The following RBM4 variants were observed in gnomAD, a reference collection of about 807,000 sequenced individuals.
RBM4 encodes RNA-binding protein 4.
RBM4 carries 7 observed loss-of-function variants against 29.5 expected under a neutral mutation model. The ratio of observed to expected loss-of-function variants is 0.24; its 90% confidence interval spans 0.14 to 0.45. RBM4 has a LOEUF of 0.45. RBM4 is among the 20% of genes least tolerant of loss of function. The pLI is 1.00. For missense variants in RBM4, 387 were observed against 502.3 expected (o/e 0.77, Z 2.19); for synonymous variants, 220 against 205.4 (o/e 1.07, Z -0.61).
At chr11:66,658,615 G>T (rs1444026589) in intron 2 of RBM4, among the ~76,000 whole-genome samples, 3 of 152,020 alleles carry the variant, frequency 2.0e-5, no homozygotes, top group East Asian at 3.9e-4. Context: ...ATACAGTGCT[G>T]CGAGTACCAA....
At chr11:66,668,372 A>C (rs1939324250) in exon 3 of RBM4, 1 of 461,614 alleles carries the variant, frequency 2.2e-6, no homozygotes, top group African/African-American at 1.9e-5. Flanking sequence ...GAATGTTCTC[A>C]CTAACAAACT....
downstream of RBM4, among the ~76,000 whole-genome samples, chr11:66,650,105 AC>A (rs925702386): frequency 2.0e-5 from 3 of 152,194 alleles, no homozygotes; most frequent in African/African-American, 7.2e-5. Flanking sequence ...CCTTGGGTGT[AC>A]AAATAACTGG....
Position 66,646,111 on chromosome 11 carries a change from C to G in RBM4, c.*93C>G. 2.6e-6 allele frequency: 4 copies of G among 1,534,982 alleles called. No individual in the cohort carries two copies. The highest frequency in any genetic ancestry group is 2.4e-5 in the South Asian group (2 of 83,990). ...TGGTACCCCATCTCCGGGACGTTCT[C>G]GGCTCTGTGCGTTCAGTCCCTCAGG... On this transcript the variant is annotated 3_prime_UTR_variant, in exon 4 of 4. Transcript: ENST00000310092.
At chr11:66,668,289 C>G (rs1939320863) in exon 3 of RBM4, 1 of 235,480 alleles carries the variant, frequency 4.2e-6, no homozygotes, top group Non-Finnish European at 8.3e-6. Flanking sequence ...AGATGATATA[C>G]AGAGGGCACA....
In RBM4 at chr11:66,643,657, A is replaced by T; in HGVS notation, c.620A>T (p.Asp207Val). Residue 207 changes from aspartate to valine, a missense_variant, in exon 3 of 4, where the codon GAT (aspartate) becomes GTT (valine). Physicochemically the swap from Asp to Val is radical, Grantham distance 152 (BLOSUM62 -3). Coordinates refer to ENST00000310092, the MANE Select transcript of RBM4 (RefSeq NM_002896.4). The surrounding 1 kb of genome is among the most constrained non-coding windows in gnomAD (Gnocchi z 6.1). ...ACGCCTTACACCATGAGCTATGGGG[A>T]TTCATTGTATTACAACAACGCGTAC... ...VRTPYTMSYG[D>V]SLYYNNAYGA... is the part of the protein sequence containing the mutation. The T allele has an allele frequency of 6.2e-7, 1 of 1,614,140 alleles. No individual in the cohort carries two copies.
At chr11:66,640,590 C>T (rs964998233) in intron 2 of RBM4, 4 of 227,220 alleles carry the variant, frequency 1.8e-5, no homozygotes, top group African/African-American at 6.8e-5. Flanking sequence ...CTTACACAAA[C>T]TCTTTAAAGG....
Position 66,665,910 on chromosome 11 carries a change from A to G in RBM4, c.467A>G (p.Tyr156Cys). ...TGTTGCTGTAACAAAGGGCATACAT[A>G]CATTTTCAAGAACTGCAATTTAATT... The change falls in exon 3 of 3, where the codon TAC becomes TGC. Residue 156 changes from tyrosine to cysteine, a missense_variant. Physicochemically the swap from Tyr to Cys is radical, Grantham distance 194. Transcript: ENST00000396053. 6.5e-7 allele frequency: 1 copy of G among 1,535,500 alleles called. No individual in the cohort carries two copies. Among genetic ancestry groups the G allele is most frequent in the Non-Finnish European group, 8.7e-7 (1 of 1,146,852 alleles).
chr11:66,643,007 A>G lies in RBM4; in HGVS notation c.413-443A>G, dbSNP rs1023903026. ...TGGAGTCTTTTATTCGGTTCTTTTA[A>G]ATTTTTTGAGGAGGGTGGAGAACTG... On this transcript the variant is annotated intron_variant, in intron 2 of 3. Transcript: ENST00000310092. The surrounding 1 kb of genome is among the most constrained non-coding windows in gnomAD (Gnocchi z 6.1). Among the ~76,000 whole-genome samples, 2 of 152,050 alleles carry G rather than the reference A, an allele frequency of 1.3e-5. No individual in the cohort carries two copies. The highest frequency in any genetic ancestry group is 4.8e-5 in the African/African-American group (2 of 41,398).
At chr11:66,645,971 A>G (rs1590866380) in intron 3 of RBM4, 56 bp from the exon 4 acceptor site, 3 of 1,535,756 alleles carry the variant, frequency 2.0e-6, no homozygotes, top group East Asian at 4.9e-5. Context: ...GAAGTTTTAA[A>G]TGGGAAAGCC....
chr11:66,652,989 C>G (rs2084545433), intron 2 of RBM4, among the ~76,000 whole-genome samples: 1 of 152,182 alleles, frequency 6.6e-6, no homozygotes. Context: ...TAAGTTGTCA[C>G]AACTAACAGG....
chr11:66,643,899 G>GCTGCAGCAGCAGCCGCTGCTGCTGTTA lies in RBM4; in HGVS notation c.870_896dup (p.Ala291_Ala299dup). The GCTGCAGCAGCAGCCGCTGCTGCTGTTA allele has an allele frequency of 6.2e-7, 1 of 1,611,662 alleles. No individual in the cohort carries two copies. Among genetic ancestry groups the GCTGCAGCAGCAGCCGCTGCTGCTGTTA allele is most frequent in the Non-Finnish European group, 8.5e-7 (1 of 1,179,294 alleles). On this transcript the variant is annotated inframe_insertion, in exon 3 of 4. Transcript: ENST00000310092. The surrounding 1 kb of genome is among the most constrained non-coding windows in gnomAD (Gnocchi z 6.1). ...CTCAGGAGCTGCTGCCACAGCTGCT[G>GCTGCAGCAGCAGCCGCTGCTGCTGTTA]CTGCAGCAGCAGCCGCTGCTGCTGT...
intron 2 of RBM4, among the ~76,000 whole-genome samples, chr11:66,663,724 GTGTGTA>G (rs1410086485): frequency 6.6e-6 from 1 of 151,608 alleles, no homozygotes; most frequent in Non-Finnish European, 1.5e-5. Context: ...GTGTGTGTGT[GTGTGTA>G]TATATGTTTT....
chr11:66,658,936 CAA>C (rs58622757), intron 2 of RBM4, among the ~76,000 whole-genome samples: 15 of 141,314 alleles, frequency 1.1e-4, no homozygotes, highest in South Asian at 2.2e-4. Flanking sequence ...GAGTGTCTCT[CAA>C]AAAAAAAAAA....
At chr11:66,664,785 C>T (rs1404429062) in intron 2 of RBM4, among the ~76,000 whole-genome samples, 4 of 152,088 alleles carry the variant, frequency 2.6e-5, no homozygotes, top group Non-Finnish European at 5.9e-5. Flanking sequence ...TTGGTAGAGA[C>T]AGGGTTTCAA....
At chr11:66,647,867 A>G (rs1177701412), downstream of RBM4, among the ~76,000 whole-genome samples, 1 of 152,194 alleles carries the variant, frequency 6.6e-6, no homozygotes, top group Non-Finnish European at 1.5e-5. Flanking sequence ...AAGTGACATG[A>G]TAAACATGGA....
chr11:66,644,858 T>C (rs1045474461), intron 3 of RBM4: 2 of 232,964 alleles, frequency 8.6e-6, no homozygotes, highest in African/African-American at 4.7e-5. Flanking sequence ...ATTCCCTGAA[T>C]AGAGTGCCCA....
chr11:66,653,807 CT>C lies in RBM4; in HGVS notation c.413-12038del, dbSNP rs1302327004. On this transcript the variant is annotated intron_variant, in intron 2 of 2. Transcript: ENST00000396053. ...ATTATACATGGGTTTTCTTTTTTCT[CT>C]TTTTTTTTTTCTTTTTTTTTTCTGA... Among the ~76,000 whole-genome samples, 173 of 144,606 alleles carry C rather than the reference CT, an allele frequency of 1.2e-3. 1 individual carries two copies. Among genetic ancestry groups the C allele is most frequent in the African/African-American group, 3.5e-3 (135 of 39,024 alleles). The allele number at this position is 144,606 out of a possible 152,430, so 94.9% of individuals were successfully genotyped here.
intron 2 of RBM4, among the ~76,000 whole-genome samples, chr11:66,660,649 C>CTT (rs746698768): frequency 7.5e-6 from 1 of 132,608 alleles, no homozygotes; most frequent in East Asian, 2.2e-4. Flanking sequence ...CCGACCTAAA[C>CTT]TTTTTTTTTT....
At chr11:66,644,392 A>T (rs1246944194) in intron 3 of RBM4, 1 of 516,128 alleles carries the variant, frequency 1.9e-6, no homozygotes, top group African/African-American at 1.9e-5. Context: ...CTAGAAAAAT[A>T]AAGAATGATG....
Sources: gnomAD v4.1 joint callset for allele counts (sites outside exome capture counted in the v4.1 genomes callset) on GRCh38, gnomAD v4.1.1 for gene constraint, Gnocchi (gnomAD v3.1) non-coding constraint, MANE v1.5 for transcripts, NCBI Gene and HGNC (gene_info 2026-07-23, HGNC 2026-07-21) for gene names.